The following HDAC9 variants were observed in gnomAD, a reference collection of about 807,000 sequenced individuals.
HDAC9 encodes the protein histone deacetylase 9.
HDAC9 carries 41 observed loss-of-function variants against 139.4 expected under a neutral mutation model. The ratio of observed to expected loss-of-function variants is 0.29; its 90% CI spans 0.23 to 0.38. The LOEUF (loss-of-function observed/expected upper bound fraction) is 0.38, where lower values mean the gene tolerates loss of function less well. Ranked by LOEUF, HDAC9 falls within the 10% of genes least tolerant of loss-of-function variation. HDAC9 has a pLI of 1.00. For missense variants in HDAC9, 1,147 were observed against 1,297.0 expected (o/e 0.88, Z 1.78); for synonymous variants, 517 against 476.2 (o/e 1.09, Z -1.12).
chr7:18,908,245 A>T (rs1322929536), intron 22 of HDAC9, among the ~76,000 whole-genome samples: 1 of 152,126 alleles, frequency 6.6e-6, no homozygotes, highest in Admixed American at 6.5e-5. Flanking sequence ...TCTTTAAAAA[A>T]AATTTTAATT....
intron 16 of HDAC9, among the ~76,000 whole-genome samples, chr7:18,792,400 T>C (rs1041797796): frequency 5.3e-5 from 8 of 152,138 alleles, no homozygotes; most frequent in Admixed American, 3.3e-4. Context: ...GTCCTAAAAT[T>C]AGAGACTTCT....
intron 1 of HDAC9, among the ~76,000 whole-genome samples, chr7:18,157,402 A>C (rs1312785316): frequency 1.3e-5 from 2 of 152,176 alleles, no homozygotes; most frequent in African/African-American, 4.8e-5. Flanking sequence ...TTATGAAGGC[A>C]CTTGAATACC....
chr7:18,849,646 G>C (rs1797140700), intron 21 of HDAC9, among the ~76,000 whole-genome samples: 1 of 152,074 alleles, frequency 6.6e-6, no homozygotes, highest in Admixed American at 6.6e-5. Flanking sequence ...AAATCAATTT[G>C]TCGACTTACA....
chr7:18,411,841 T>A (rs866814564), intron 1 of HDAC9, among the ~76,000 whole-genome samples: 11 of 135,518 alleles, frequency 8.1e-5, no homozygotes, highest in South Asian at 4.9e-4. Context: ...TTTTTTTTTT[T>A]ATCAGACAGG....
chr7:18,259,524 G>C (rs2128205711), intron 2 of HDAC9, among the ~76,000 whole-genome samples: 1 of 152,170 alleles, frequency 6.6e-6, no homozygotes, highest in Non-Finnish European at 1.5e-5. Flanking sequence ...CATCATGCCT[G>C]GCTAATTTTT....
At chr7:18,863,963 A>C (rs1798299502) in intron 21 of HDAC9, among the ~76,000 whole-genome samples, 1 of 152,136 alleles carries the variant, frequency 6.6e-6, no homozygotes, top group African/African-American at 2.4e-5. Flanking sequence ...TGAGATTCTG[A>C]TTTCGATTCT....
chr7:18,092,884 G>A (rs1782256391), intron 1 of HDAC9, among the ~76,000 whole-genome samples: 1 of 152,184 alleles, frequency 6.6e-6, no homozygotes, highest in South Asian at 2.1e-4. Context: ...ACATACATTA[G>A]TCTGGGTATT....
chr7:18,811,218 G>C (rs2520350), intron 17 of HDAC9, among the ~76,000 whole-genome samples: 1 of 151,294 alleles, frequency 6.6e-6, no homozygotes, highest in African/African-American at 2.4e-5. Flanking sequence ...GTTAATATTC[G>C]TTACTTTTTT....
intron 1 of HDAC9, among the ~76,000 whole-genome samples, chr7:18,354,591 T>C (rs1783108435): frequency 6.6e-6 from 1 of 152,200 alleles, no homozygotes; most frequent in Non-Finnish European, 1.5e-5. Context: ...GCGCTGTACG[T>C]AAGAATTAAA....
intron 2 of HDAC9, among the ~76,000 whole-genome samples, chr7:18,234,944 A>T (rs183363678): frequency 6.6e-6 from 1 of 152,278 alleles, no homozygotes; most frequent in African/African-American, 2.4e-5. Flanking sequence ...TTTTTGTTTC[A>T]TCCATAGCTT....
chr7:18,292,146 A>G (rs1364090584), intron 1 of HDAC9, among the ~76,000 whole-genome samples: 1 of 152,042 alleles, frequency 6.6e-6, no homozygotes, highest in Non-Finnish European at 1.5e-5. Context: ...TTTATTGAGC[A>G]TTTACAATGC....
chr7:18,187,354 G>C (rs912198828), intron 2 of HDAC9, among the ~76,000 whole-genome samples: 1 of 152,230 alleles, frequency 6.6e-6, no homozygotes, highest in Non-Finnish European at 1.5e-5. Flanking sequence ...AAGGAGAAAA[G>C]TAGAACTGGG....
chr7:18,852,504 A>G (rs1797375768), intron 21 of HDAC9, among the ~76,000 whole-genome samples: 1 of 152,194 alleles, frequency 6.6e-6, no homozygotes, highest in Non-Finnish European at 1.5e-5. Context: ...ATACAAAGGC[A>G]AAAATTCAAA....
chr7:18,468,994 C>A (rs907466531), intron 1 of HDAC9, among the ~76,000 whole-genome samples: 1 of 152,190 alleles, frequency 6.6e-6, no homozygotes, highest in African/African-American at 2.4e-5. Flanking sequence ...GACTTTTATT[C>A]ATGCATCTTA....
chr7:18,790,927 C>G (rs1211692685), intron 16 of HDAC9, among the ~76,000 whole-genome samples: 1 of 152,138 alleles, frequency 6.6e-6, no homozygotes, highest in Non-Finnish European at 1.5e-5. Context: ...CCCGGCAACT[C>G]ACAGTAGGTA....
chr7:18,566,261 T>C (rs1822307998), intron 2 of HDAC9, among the ~76,000 whole-genome samples: 1 of 152,236 alleles, frequency 6.6e-6, no homozygotes, highest in Non-Finnish European at 1.5e-5. Flanking sequence ...CTGAATTTTA[T>C]ATATCAGGCA....
intron 1 of HDAC9, among the ~76,000 whole-genome samples, chr7:18,445,755 C>G (rs1792232752): frequency 6.6e-6 from 1 of 152,156 alleles, no homozygotes. Context: ...GAATCAAAAA[C>G]CTCCTTTTAT....
At chr7:18,176,695 A>C (rs990063011) in intron 2 of HDAC9, among the ~76,000 whole-genome samples, 2 of 152,238 alleles carry the variant, frequency 1.3e-5, no homozygotes, top group South Asian at 4.1e-4. Flanking sequence ...CAGATTTGTT[A>C]TACAGGTAAA....
At chr7:18,611,209 A>G (rs950278980) in intron 6 of HDAC9, among the ~76,000 whole-genome samples, 1 of 152,132 alleles carries the variant, frequency 6.6e-6, no homozygotes, top group Non-Finnish European at 1.5e-5. Flanking sequence ...TTTAGACACC[A>G]CACTGTGTTT....
Sources: gnomAD v4.1 joint callset for allele counts (sites outside exome capture counted in the v4.1 genomes callset) on GRCh38, gnomAD v4.1.1 for gene constraint, MANE v1.5 for transcripts, NCBI Gene and HGNC (gene_info 2026-07-23, HGNC 2026-07-21) for gene names.